ZSCAN22: variants seen among roughly 807,000 people sequenced by gnomAD.
ZSCAN22 encodes zinc finger and SCAN domain-containing protein 22.
A neutral mutation model predicts 12.4 loss-of-function variants in ZSCAN22; 7 were observed. The ratio of observed to expected loss-of-function variants is 0.57; its 90% confidence interval spans 0.32 to 1.06. ZSCAN22 has a LOEUF of 1.06. Ranked by LOEUF, ZSCAN22 falls within the 50% of genes least tolerant of loss-of-function variation. The pLI, the probability that ZSCAN22 is intolerant of heterozygous loss-of-function variation, is 0.04. For missense variants in ZSCAN22, 576 were observed against 631.7 expected (o/e 0.91, Z 0.94); for synonymous variants, 243 against 255.9 (o/e 0.95, Z 0.48).
chr19:58,335,039 GC>G lies in ZSCAN22; in HGVS notation c.240del (p.Glu81ArgfsTer47). On this transcript the variant is annotated frameshift_variant, in exon 2 of 3. Transcript: ENST00000329665. LOFTEE classifies it high-confidence loss of function. The surrounding 1 kb of genome is among the most constrained non-coding windows in gnomAD (Gnocchi z 4.1). ...LRALCCQWLQPEAHSKEQILE... is the reference protein window; with the variant it reads ...LRALCCQWLQXEAHSKEQILE... ...GAGCGCTGTGCTGTCAGTGGCTGCA[GC>G]CCGAGGCGCACTCCAAGGAGCAGAT... 6.2e-7 allele frequency: 1 copy of G among 1,614,068 alleles called. No homozygotes were observed. Among genetic ancestry groups the G allele is most frequent in the Non-Finnish European group, 8.5e-7 (1 of 1,180,042 alleles).
rs76300164 is a variant in ZSCAN22 at position 58,331,164 on chromosome 19, T to A, written c.-51-3588T>A. Among the ~76,000 whole-genome samples the A allele has an allele frequency of 9.2e-3, 1,401 of 151,554 alleles. 9 individuals carry two copies. The highest frequency in any genetic ancestry group is 0.021 in the Middle Eastern group (6 of 280). ...ACTTACTGATAAGGCGTCTTTTGTGTAGAGGCCTGACTTAAATAAGGGAGA... is the reference window on the plus strand; with the variant it reads ...ACTTACTGATAAGGCGTCTTTTGTGAAGAGGCCTGACTTAAATAAGGGAGA... On this transcript the variant is annotated intron_variant, in intron 1 of 2. Coordinates refer to ENST00000329665, the MANE Select transcript of ZSCAN22 (RefSeq NM_181846.3).
chr19:58,340,620 C>T lies in ZSCAN22; in HGVS notation c.*1294C>T, dbSNP rs113825309. 5,902 of 149,502 alleles carry T rather than the reference C, an allele frequency of 0.039. 122 individuals are homozygous for T. Among genetic ancestry groups the T allele is most frequent in the Non-Finnish European group, 0.045 (3,033 of 67,646 alleles). The allele number at this position is 149,502 out of a possible 1,614,324, so 9.3% of individuals were successfully genotyped here. ...CCTCCCAAGTAGCTGGGACTACAGG[C>T]GCCTGCCACCACGCCCAGCTAGTTT... On this transcript the variant is annotated 3_prime_UTR_variant, in exon 3 of 3. Transcript: ENST00000329665.
intron 1 of ZSCAN22, 25 bp from the exon 2 acceptor site, chr19:58,334,727 T>C: frequency 6.9e-7 from 1 of 1,458,308 alleles, no homozygotes; most frequent in Non-Finnish European, 9.1e-7. Flanking sequence ...TTCCATGTGA[T>C]GCTGAAGCTC....
intron 1 of ZSCAN22, among the ~76,000 whole-genome samples, chr19:58,327,857 G>C (rs1213902782): frequency 6.6e-6 from 1 of 152,122 alleles, no homozygotes; most frequent in Non-Finnish European, 1.5e-5. Context: ...GCGAGGGCCT[G>C]TGTTTATTTT....
rs768719988 is a variant in ZSCAN22, at chr19:58,339,070, C to A, written c.1220C>A (p.Pro407His). 1 of 1,614,218 alleles carries A rather than the reference C, an allele frequency of 6.2e-7. No homozygotes were observed. The highest frequency in any genetic ancestry group is 1.1e-5 in the South Asian group (1 of 91,068). The change falls in exon 3 of 3, where the codon CCC becomes CAC. Residue 407 changes from proline to histidine, a missense_variant. By Grantham distance (77) the Pro-to-His change is moderately conservative. Transcript: ENST00000329665. The surrounding 1 kb of genome is among the most constrained non-coding windows in gnomAD (Gnocchi z 5.6). ...CAGCGCATCCACACCGGGGAGAAGC[C>A]CTACAAGTGTGACGCGTGTGGCCGA... ...QHQRIHTGEK[P>H]YKCDACGRAF... is the part of the protein sequence containing the mutation.
At chr19:58,337,081 C>T (rs1027905541) in intron 2 of ZSCAN22, among the ~76,000 whole-genome samples, 3 of 152,226 alleles carry the variant, frequency 2.0e-5, no homozygotes, top group Non-Finnish European at 1.5e-5. Flanking sequence ...ACTCTGATCT[C>T]CAAGAGCACC....
At chr19:58,331,474 C>T (rs1159736516) in intron 1 of ZSCAN22, among the ~76,000 whole-genome samples, 1 of 150,504 alleles carries the variant, frequency 6.6e-6, no homozygotes, top group African/African-American at 2.4e-5. Context: ...CTCAGCCTCC[C>T]AAAGTGCTGG....
Position 58,335,150 on chromosome 19 carries a change from C to T in ZSCAN22, c.348C>T (p.Ser116=), listed in dbSNP as rs775754403. The change falls in exon 2 of 3, where the codon AGC becomes AGT. Residue 116 remains serine, a synonymous_variant. Transcript: ENST00000329665. The surrounding 1 kb of genome is among the most constrained non-coding windows in gnomAD (Gnocchi z 4.1). ...GGGTGGGAGCCCAGAGTCCCAAGAGCGGAGAGGAAGCCGCTGTGCTGGTGG... is the reference window on the plus strand; with the variant it reads ...GGGTGGGAGCCCAGAGTCCCAAGAGTGGAGAGGAAGCCGCTGTGCTGGTGG... ...QAWVGAQSPK[S]GEEAAVLVED... 9 of 1,613,086 alleles carry T rather than the reference C, an allele frequency of 5.6e-6. No individual in the cohort carries two copies. Among genetic ancestry groups the T allele is most frequent in the Admixed American group, 3.3e-5 (2 of 59,858 alleles).
At chr19:58,334,611 C>T in intron 1 of ZSCAN22, 141 bp from the exon 2 acceptor site, 1 of 628,590 alleles carries the variant, frequency 1.6e-6, no homozygotes, top group Non-Finnish European at 2.7e-6. Flanking sequence ...CAAGTGGGTG[C>T]TGTCCTAATT....
intron 1 of ZSCAN22, among the ~76,000 whole-genome samples, chr19:58,327,888 T>G (rs767892821): frequency 1.3e-5 from 2 of 152,200 alleles, no homozygotes; most frequent in Non-Finnish European, 2.9e-5. Flanking sequence ...TCTTGCTCTG[T>G]TGCCCAGGCT....
Position 58,335,038 on chromosome 19 carries a change from A to C in ZSCAN22, c.236A>C (p.Gln79Pro). 6.2e-7 allele frequency: 1 copy of C among 1,614,080 alleles called. No homozygotes were observed. Among genetic ancestry groups the C allele is most frequent in the Non-Finnish European group, 8.5e-7 (1 of 1,180,040 alleles). ...CGAGCGCTGTGCTGTCAGTGGCTGC[A>C]GCCCGAGGCGCACTCCAAGGAGCAG... ...HLRALCCQWL[Q>P]PEAHSKEQIL... Residue 79 changes from glutamine (Q) to proline (P), a missense_variant, in exon 2 of 3, where the codon CAG (glutamine) becomes CCG (proline). By Grantham distance (76) the Gln-to-Pro change is moderately conservative. Transcript: ENST00000329665. This position sits in a 1 kb window ranked among gnomAD's most constrained non-coding sequence, Gnocchi z 4.1.
Position 58,338,719 on chromosome 19 carries a change from AT to A in ZSCAN22, c.871del (p.Ser291LeufsTer49). ...GCGCTCGAGGCACACCAGAAGACCC[AT>A]TCTCGGAAGACCCCATATGCCTGCA... ...ASALEAHQKT[H>X]SRKTPYACSE... On this transcript the variant is annotated frameshift_variant, in exon 3 of 3. Transcript: ENST00000329665. LOFTEE classifies it low-confidence loss of function (END_TRUNC). This position sits in a 1 kb window ranked among gnomAD's most constrained non-coding sequence, Gnocchi z 5.4. 1 of 1,614,206 alleles carries A rather than the reference AT, an allele frequency of 6.2e-7. No individual in the cohort carries two copies. The highest frequency in any genetic ancestry group is 8.5e-7 in the Non-Finnish European group (1 of 1,180,030).
At position 58,340,130 on chromosome 19, in the gene ZSCAN22, C is replaced by G. The variant is rs1449262208; in HGVS notation, c.*804C>G. The G allele has an allele frequency of 4.6e-5, 7 of 152,240 alleles. No individual in the cohort carries two copies. Among genetic ancestry groups the G allele is most frequent in the African/African-American group, 1.7e-4 (7 of 41,428 alleles). The allele number at this position is 152,240 out of a possible 1,614,324, so 9.4% of individuals were successfully genotyped here. A position where few individuals can be genotyped will look rare whatever the true frequency, so the allele number is the denominator to read the frequency against. ...CTTTATTCTCTGCCCCTGTATCACT[C>G]TCCAGGGGACTCTTGATATTACTTA... is the stretch of plus-strand genomic sequence containing the variant. On this transcript the variant is annotated 3_prime_UTR_variant, in exon 3 of 3. Coordinates refer to ENST00000329665, the MANE Select transcript of ZSCAN22 (RefSeq NM_181846.3).
rs143306274 is a variant in ZSCAN22, at chr19:58,334,845, G to A, written c.43G>A (p.Glu15Lys). The A allele has an allele frequency of 7.2e-5, 116 of 1,613,474 alleles. No individual in the cohort carries two copies. The African/African-American group carries it at 1.3e-3, about 19-fold the overall frequency. The change falls in exon 2 of 3, where the codon GAG becomes AAG. Residue 15 changes from glutamate to lysine, a missense_variant. Coordinates refer to ENST00000329665, the MANE Select transcript of ZSCAN22 (RefSeq NM_181846.3). ...KHSLSPVPWE[E>K]DSFLQVKVEE... ...CTCCCTGAGCCCAGTGCCGTGGGAAGAGGACAGCTTCCTTCAAGTGAAGGT... is the reference window on the plus strand; with the variant it reads ...CTCCCTGAGCCCAGTGCCGTGGGAAAAGGACAGCTTCCTTCAAGTGAAGGT...
At chr19:58,332,319 G>C (rs1378932389) in intron 1 of ZSCAN22, among the ~76,000 whole-genome samples, 1 of 135,806 alleles carries the variant, frequency 7.4e-6, no homozygotes, top group African/African-American at 3.0e-5. Context: ...TGTCGCCAAG[G>C]CTGTAGTGCA....
chr19:58,339,129 CT>C lies in ZSCAN22; in HGVS notation c.1280del (p.Leu427ArgfsTer53). On this transcript the variant is annotated frameshift_variant, in exon 3 of 3. Transcript: ENST00000329665. LOFTEE classifies it low-confidence loss of function (END_TRUNC). This position sits in a 1 kb window ranked among gnomAD's most constrained non-coding sequence, Gnocchi z 5.6. ...CGACTGCTCAGCCCTGATCCGACAT[CT>C]GAGAATCCACTCTGGAGAGAAGCCA... ...FSDCSALIRH[L>X]RIHSGEKPYQ... is the part of the protein sequence containing the mutation. The C allele has an allele frequency of 6.2e-7, 1 of 1,614,244 alleles. No individual in the cohort carries two copies. Among genetic ancestry groups the C allele is most frequent in the Admixed American group, 1.7e-5 (1 of 60,036 alleles).
In ZSCAN22 at chr19:58,338,887, A is replaced by T; in HGVS notation, c.1037A>T (p.His346Leu). 2 of 1,614,188 alleles carry T rather than the reference A, an allele frequency of 1.2e-6. No homozygotes were observed. Among genetic ancestry groups the T allele is most frequent in the Non-Finnish European group, 1.7e-6 (2 of 1,180,020 alleles). Residue 346 changes from histidine (H) to leucine (L), a missense_variant, in exon 3 of 3, where the codon CAT becomes CTT. Transcript: ENST00000329665. The surrounding 1 kb of genome is among the most constrained non-coding windows in gnomAD (Gnocchi z 5.4). ...VTHLTQHQRI[H>L]TGEKPYKCGE... Reference sequence around the variant, plus strand: ...CACCTGACTCAGCACCAAAGGATTCATACTGGAGAGAAACCCTACAAATGT... The same window carrying T: ...CACCTGACTCAGCACCAAAGGATTCTTACTGGAGAGAAACCCTACAAATGT...
At chr19:58,327,792 G>T (rs1241198029) in intron 1 of ZSCAN22, among the ~76,000 whole-genome samples, 1 of 152,164 alleles carries the variant, frequency 6.6e-6, no homozygotes, top group African/African-American at 2.4e-5. Flanking sequence ...CCTTGAGATG[G>T]TGACTAAGAT....
At chr19:58,332,843 G>A (rs952374730) in intron 1 of ZSCAN22, among the ~76,000 whole-genome samples, 1 of 152,146 alleles carries the variant, frequency 6.6e-6, no homozygotes, top group Non-Finnish European at 1.5e-5. Flanking sequence ...TAGGTCATGG[G>A]GTAACTCTGT....
Sources: gnomAD v4.1 joint callset for allele counts (sites outside exome capture counted in the v4.1 genomes callset) on GRCh38, gnomAD v4.1.1 for gene constraint, Gnocchi (gnomAD v3.1) non-coding constraint, MANE v1.5 for transcripts, NCBI Gene and HGNC (gene_info 2026-07-23, HGNC 2026-07-21) for gene names.